The following IMMP2L variants were observed in gnomAD, a reference collection of about 807,000 sequenced individuals.
The protein encoded by IMMP2L is mitochondrial inner membrane protease subunit 2.
A neutral mutation model predicts 19.3 loss-of-function variants in IMMP2L; 18 were observed. The ratio of observed to expected loss-of-function variants is 0.93; its 90% CI spans 0.64 to 1.38. The LOEUF (loss-of-function observed/expected upper bound fraction) is 1.38. Ranked by LOEUF, IMMP2L falls within the 40% of genes most tolerant of loss-of-function variation. The pLI, the probability that IMMP2L is intolerant of heterozygous loss-of-function variation, is 0.00. For synonymous variants in IMMP2L, 76 were observed against 73.0 expected (o/e 1.04, Z -0.21); for missense variants, 233 against 218.2 (o/e 1.07, Z -0.43).
chr7:110,737,524 CAAG>C (rs1394116429), intron 5 of IMMP2L, among the ~76,000 whole-genome samples: 1 of 152,184 alleles, frequency 6.6e-6, no homozygotes, highest in Non-Finnish European at 1.5e-5. Context: ...AAGCCCACCC[CAAG>C]AAGAGGTTGA....
chr7:111,266,329 G>A (rs1177429415), intron 3 of IMMP2L, among the ~76,000 whole-genome samples: 1 of 151,958 alleles, frequency 6.6e-6, no homozygotes, highest in Non-Finnish European at 1.5e-5. Flanking sequence ...GATCACTTGA[G>A]GTCAGGAGTT....
chr7:111,253,580 T>A (rs577974594), intron 3 of IMMP2L, among the ~76,000 whole-genome samples: 1 of 152,156 alleles, frequency 6.6e-6, no homozygotes, highest in Non-Finnish European at 1.5e-5. Context: ...GCTGAGCTCA[T>A]GAAAAGTAAC....
At chr7:110,816,463 C>T (rs1329937704) in intron 5 of IMMP2L, among the ~76,000 whole-genome samples, 1 of 151,250 alleles carries the variant, frequency 6.6e-6, no homozygotes, top group Non-Finnish European at 1.5e-5. Context: ...GTGGAGAGTT[C>T]TGTAGATGTC....
chr7:110,827,060 G>A (rs59374776), intron 5 of IMMP2L, among the ~76,000 whole-genome samples: 13,283 of 152,026 alleles, frequency 0.087, 879 homozygotes, highest in African/African-American at 0.18. Flanking sequence ...ATCAATGCCA[G>A]TATTGACAGA....
At chr7:111,508,132 T>C (rs1481068625) in intron 2 of IMMP2L, among the ~76,000 whole-genome samples, 3 of 152,122 alleles carry the variant, frequency 2.0e-5, no homozygotes, top group Admixed American at 6.5e-5. Flanking sequence ...GTGCTTTCTG[T>C]TGATCATTTT....
intron 3 of IMMP2L, among the ~76,000 whole-genome samples, chr7:110,984,046 G>A (rs1270481806): frequency 1.3e-5 from 2 of 151,892 alleles, no homozygotes; most frequent in Admixed American, 1.3e-4. Context: ...TCTCTCAAAG[G>A]GATTTGGATA....
chr7:111,291,641 G>T (rs1330402167), intron 3 of IMMP2L, among the ~76,000 whole-genome samples: 2 of 152,060 alleles, frequency 1.3e-5, no homozygotes, highest in Non-Finnish European at 2.9e-5. Flanking sequence ...TGATTAAAGG[G>T]TACAAAATTT....
intron 3 of IMMP2L, among the ~76,000 whole-genome samples, chr7:111,451,995 C>T (rs1203655158): frequency 6.6e-6 from 1 of 152,070 alleles, no homozygotes; most frequent in African/African-American, 2.4e-5. Flanking sequence ...CACTGAAGGG[C>T]AGTAAGGCTG....
intron 3 of IMMP2L, among the ~76,000 whole-genome samples, chr7:111,153,409 A>G (rs530071178): frequency 2.6e-5 from 4 of 152,224 alleles, no homozygotes; most frequent in African/African-American, 9.6e-5. Context: ...AGTAAATAGT[A>G]TAACTTTCTG....
At chr7:110,919,121 G>A (rs966441846) in intron 4 of IMMP2L, among the ~76,000 whole-genome samples, 2 of 152,120 alleles carry the variant, frequency 1.3e-5, no homozygotes, top group African/African-American at 4.8e-5. Context: ...CCAATTCAGG[G>A]CCGCCTGAGG....
chr7:111,510,377 C>T (rs545637750), intron 2 of IMMP2L, among the ~76,000 whole-genome samples: 26 of 152,124 alleles, frequency 1.7e-4, no homozygotes, highest in Admixed American at 5.2e-4. Context: ...GTATTATATA[C>T]ATACATATAC....
chr7:110,991,145 T>C (rs1432229898), intron 3 of IMMP2L, among the ~76,000 whole-genome samples: 1 of 152,134 alleles, frequency 6.6e-6, no homozygotes, highest in Non-Finnish European at 1.5e-5. Context: ...CTACAGAAGA[T>C]TAATAAATGA....
At chr7:111,172,981 T>C (rs1004171145) in intron 3 of IMMP2L, among the ~76,000 whole-genome samples, 1 of 151,536 alleles carries the variant, frequency 6.6e-6, no homozygotes, top group South Asian at 2.1e-4. Context: ...GAGAGAACTG[T>C]AACCTGCTGA....
intron 3 of IMMP2L, among the ~76,000 whole-genome samples, chr7:111,160,822 A>G (rs992668766): frequency 6.6e-6 from 1 of 151,098 alleles, no homozygotes; most frequent in Non-Finnish European, 1.5e-5. Context: ...CAAAAAGTTA[A>G]TTCTTTGAAA....
At chr7:110,873,591 C>A (rs1771629363) in intron 5 of IMMP2L, among the ~76,000 whole-genome samples, 1 of 150,278 alleles carries the variant, frequency 6.7e-6, no homozygotes, top group Admixed American at 6.6e-5. Flanking sequence ...TGGTGAAACC[C>A]CGTCTTTACT....
intron 5 of IMMP2L, among the ~76,000 whole-genome samples, chr7:110,866,135 G>C (rs1807955881): frequency 6.6e-6 from 1 of 151,792 alleles, no homozygotes; most frequent in Non-Finnish European, 1.5e-5. Flanking sequence ...TTATCCTTGA[G>C]TATCTATTAC....
chr7:111,121,280 CA>C (rs1386125964), intron 3 of IMMP2L, among the ~76,000 whole-genome samples: 9 of 152,214 alleles, frequency 5.9e-5, no homozygotes, highest in Non-Finnish European at 1.3e-4. Flanking sequence ...GAGTAGATTG[CA>C]AAAATTTTCT....
At chr7:110,872,265 C>T (rs894302655) in intron 5 of IMMP2L, among the ~76,000 whole-genome samples, 4 of 152,180 alleles carry the variant, frequency 2.6e-5, no homozygotes, top group Admixed American at 6.5e-5. Context: ...GCTTCTGCTA[C>T]CTGGCTTTCT....
rs542422645 is a variant in IMMP2L, at chr7:111,522,135, T to C, written c.-2-686A>G. On this transcript the variant is annotated intron_variant, in intron 1 of 5. Coordinates refer to ENST00000405709, the MANE Select transcript of IMMP2L (RefSeq NM_032549.4). ...CCATACTGTCCTGCATTGCTTACAT[T>C]TGGACTGTTAAATCACAGATAAATC... 4.6e-5 allele frequency among the ~76,000 whole-genome samples: 7 copies of C among 152,192 alleles called. No homozygotes were observed. In the South Asian group the frequency reaches 1.5e-3, roughly 32 times the overall value.
Sources: allele counts gnomAD v4.1 joint callset (sites outside exome capture counted in the v4.1 genomes callset), GRCh38; gene constraint gnomAD v4.1.1; transcripts MANE v1.5; gene names NCBI Gene and HGNC (gene_info 2026-07-23, HGNC 2026-07-21).